Variants in HMGCLL1 observed in about 807,000 individuals in gnomAD.
HMGCLL1 encodes the protein 3-hydroxy-3-methylglutaryl-CoA lyase like 1.
A neutral mutation model predicts 39.1 loss-of-function variants in HMGCLL1; 36 were observed. The ratio of observed to expected loss-of-function variants is 0.92; its 90% CI spans 0.71 to 1.22. The LOEUF (loss-of-function observed/expected upper bound fraction) is 1.22, where lower values mean the gene tolerates loss of function less well. Ranked by LOEUF, HMGCLL1 falls within the 50% of genes most tolerant of loss-of-function variation. HMGCLL1 has a pLI of 0.00. For synonymous variants in HMGCLL1, 149 were observed against 144.0 expected, an observed-to-expected ratio of 1.03 and a Z score of -0.25; for missense variants, 451 against 416.5, an observed-to-expected ratio of 1.08 and a Z score of -0.72.
chr6:55,577,046 T>C (rs763849161), intron 1 of HMGCLL1: 1 of 1,612,144 alleles, frequency 6.2e-7, no homozygotes, highest in African/African-American at 1.3e-5. Context: ...CTAGGAAGAG[T>C]GTAGATAGTG....
intron 7 of HMGCLL1, among the ~76,000 whole-genome samples, chr6:55,461,697 G>C (rs1438018505): frequency 1.3e-5 from 2 of 152,040 alleles, no homozygotes; most frequent in Non-Finnish European, 2.9e-5. Flanking sequence ...CATGAAATTA[G>C]ATCAAGATAT....
At chr6:55,543,088 TATATAATATAATATATG>T (rs533644715) in intron 1 of HMGCLL1, among the ~76,000 whole-genome samples, 1,018 of 33,192 alleles carry the variant, frequency 0.031, 109 homozygotes, top group Middle Eastern at 0.083. Flanking sequence ...AGGTGTGATA[TATATAATATAATATATG>T]ATATAATATA....
chr6:55,654,464 G>A, the HMGCLL1 span, among the ~76,000 whole-genome samples: 14 of 151,976 alleles, frequency 9.2e-5, no homozygotes, highest in East Asian at 2.7e-3. Context: ...AGTTGCTTAT[G>A]AGCATATATC....
intron 3 of HMGCLL1, among the ~76,000 whole-genome samples, chr6:55,525,786 C>T (rs2127445001): frequency 2.0e-5 from 3 of 152,064 alleles, no homozygotes; most frequent in Admixed American, 2.0e-4. Context: ...TCCTCTGCTG[C>T]TTTATATGCA....
At chr6:55,549,733 GTTA>G (rs1052726781) in intron 1 of HMGCLL1, among the ~76,000 whole-genome samples, 4 of 151,658 alleles carry the variant, frequency 2.6e-5, no homozygotes, top group East Asian at 1.9e-4. Flanking sequence ...AATTGAGGCT[GTTA>G]TTATTTATAA....
chr6:55,631,546 C>T, the HMGCLL1 span, among the ~76,000 whole-genome samples: 1 of 152,070 alleles, frequency 6.6e-6, no homozygotes, highest in African/African-American at 2.4e-5. Context: ...CAGTGCCCTG[C>T]TTTGGTGTCT....
intron 1 of HMGCLL1, chr6:55,577,161 G>A (rs1279976288): frequency 6.3e-7 from 1 of 1,585,406 alleles, no homozygotes; most frequent in Non-Finnish European, 8.6e-7. Flanking sequence ...TTTGTTAGAA[G>A]AGAAGTCTAG....
the HMGCLL1 span, among the ~76,000 whole-genome samples, chr6:55,587,665 C>T: frequency 9.2e-5 from 14 of 152,048 alleles, no homozygotes; most frequent in African/African-American, 2.7e-4. Context: ...ACCCATCTCA[C>T]GTGCAGAGAC....
chr6:55,645,247 T>C, the HMGCLL1 span, among the ~76,000 whole-genome samples: 1 of 152,138 alleles, frequency 6.6e-6, no homozygotes, highest in Admixed American at 6.6e-5. Context: ...TATGTTGACT[T>C]GTTATCCTGA....
the HMGCLL1 span, among the ~76,000 whole-genome samples, chr6:55,587,265 T>C: frequency 9.2e-5 from 14 of 152,130 alleles, no homozygotes; most frequent in Admixed American, 2.0e-4. Context: ...TGTAAATTTG[T>C]TTGAGTTCTT....
At chr6:55,560,809 A>G (rs1456423610) in intron 1 of HMGCLL1, among the ~76,000 whole-genome samples, 1 of 152,164 alleles carries the variant, frequency 6.6e-6, no homozygotes, top group Non-Finnish European at 1.5e-5. Context: ...CCTCACAAAA[A>G]ACAGCTAACA....
At chr6:55,439,739 C>T (rs1486531622) in intron 7 of HMGCLL1, 180 bp from the exon 8 acceptor site, 6 of 481,210 alleles carry the variant, frequency 1.2e-5, no homozygotes, top group Non-Finnish European at 2.2e-5. Context: ...TATGTCTAAT[C>T]TCGTCTTTGA....
intron 3 of HMGCLL1, among the ~76,000 whole-genome samples, chr6:55,533,141 A>G (rs1304978476): frequency 1.3e-5 from 2 of 151,670 alleles, no homozygotes; most frequent in Admixed American, 6.6e-5. Context: ...TAATACCACT[A>G]TTACATAAGT....
At chr6:55,644,646 G>C in the HMGCLL1 span, among the ~76,000 whole-genome samples, 1 of 151,830 alleles carries the variant, frequency 6.6e-6, no homozygotes, top group Non-Finnish European at 1.5e-5. Context: ...ATTGTTTATC[G>C]AAGAGGCTAT....
chr6:55,594,027 A>T, the HMGCLL1 span, among the ~76,000 whole-genome samples: 1,548 of 152,332 alleles, frequency 0.01, 27 homozygotes, highest in African/African-American at 0.035. Flanking sequence ...TATATTATTC[A>T]TCATTTTATT....
At chr6:55,462,067 A>T (rs1281007394) in intron 7 of HMGCLL1, among the ~76,000 whole-genome samples, 1 of 152,190 alleles carries the variant, frequency 6.6e-6, no homozygotes, top group Non-Finnish European at 1.5e-5. Flanking sequence ...TATGCCATAT[A>T]TTCATGCGAT....
the HMGCLL1 span, among the ~76,000 whole-genome samples, chr6:55,605,818 C>T: frequency 6.6e-6 from 1 of 152,144 alleles, no homozygotes; most frequent in Non-Finnish European, 1.5e-5. Context: ...AAATCCACTA[C>T]AAATGTTGCA....
the HMGCLL1 span, among the ~76,000 whole-genome samples, chr6:55,598,222 G>T: frequency 1.3e-5 from 2 of 152,202 alleles, no homozygotes; most frequent in Non-Finnish European, 2.9e-5. Flanking sequence ...TACAGAACAT[G>T]TCCTGTATTT....
chr6:55,531,447 T>G, intron 3 of HMGCLL1, among the ~76,000 whole-genome samples: 1 of 152,200 alleles, frequency 6.6e-6, no homozygotes, highest in Non-Finnish European at 1.5e-5. Flanking sequence ...TTTAAGGTAC[T>G]TTTAGTCAGA....
Sources: allele counts gnomAD v4.1 joint callset (sites outside exome capture counted in the v4.1 genomes callset), GRCh38; gene constraint gnomAD v4.1.1; transcripts MANE v1.5; gene names NCBI Gene and HGNC (gene_info 2026-07-23, HGNC 2026-07-21).